Variants in IQSEC3 observed in about 807,000 individuals in gnomAD.
IQSEC3 encodes IQ motif and Sec7 domain ArfGEF 3.
IQSEC3 carries 50 observed loss-of-function variants against 105.4 expected under a neutral mutation model. That is an observed-to-expected ratio of 0.47 (90% confidence interval 0.38 to 0.60). IQSEC3 has a LOEUF of 0.60. IQSEC3 is among the 20% of genes least tolerant of loss of function. The pLI is 0.00. For synonymous variants in IQSEC3, 708 were observed against 746.0 expected (o/e 0.95, Z 0.83); for missense variants, 1,415 against 1,630.0 (o/e 0.87, Z 2.27).
chr12:174,898 C>T lies in IQSEC3; in HGVS notation c.3414C>T (p.Gly1138=). 1 of 1,561,748 alleles carries T rather than the reference C, an allele frequency of 6.4e-7. No individual in the cohort carries two copies. The highest frequency in any genetic ancestry group is 8.6e-7 in the Non-Finnish European group (1 of 1,162,020). The change falls in exon 14 of 14, where the codon GGC becomes GGT. Residue 1138 remains glycine (G), a synonymous_variant. Coordinates refer to ENST00000538872, the MANE Select transcript of IQSEC3 (RefSeq NM_001170738.2). ...SCGSTPLGGP[G]SPVKVTHQPP... is the part of the protein sequence containing the mutation. Reference sequence around the variant, plus strand: ...GCTCCACACCCCTGGGCGGTCCCGGCTCTCCGGTCAAGGTCACCCACCAGC... The same window carrying T: ...GCTCCACACCCCTGGGCGGTCCCGGTTCTCCGGTCAAGGTCACCCACCAGC...
chr12:71,829 C>T (rs1420149233), intron 1 of IQSEC3, among the ~76,000 whole-genome samples: 1 of 152,262 alleles, frequency 6.6e-6, no homozygotes, highest in East Asian at 1.9e-4. Flanking sequence ...CTTGTTCTTC[C>T]CCTATCCCCA....
intron 3 of IQSEC3, among the ~76,000 whole-genome samples, chr12:134,591 C>T (rs1199848416): frequency 2.0e-5 from 3 of 152,214 alleles, no homozygotes; most frequent in South Asian, 2.1e-4. Context: ...ATAGGCCAGA[C>T]GGGAAAGAAA....
Position 171,128 on chromosome 12 carries a change from G to A in IQSEC3, c.3081G>A (p.Ala1027=), listed in dbSNP as rs781969817. ...CATTCAAAGCCAAAAGGGAAGCCGC[G>A]CTCAGGGAGAGGCCGGCGGAGAGCA... ...QGSPTAKREA[A]LRERPAESTV... The change falls in exon 13 of 14, where the codon GCG becomes GCA. Residue 1027 remains alanine, a synonymous_variant. Coordinates refer to ENST00000538872, the MANE Select transcript of IQSEC3 (RefSeq NM_001170738.2). The A allele has an allele frequency of 6.8e-5, 109 of 1,613,948 alleles. No individual in the cohort carries two copies. In the East Asian group the frequency reaches 1.8e-3, roughly 27 times the overall value.
At chr12:70,265 A>G (rs549091394) in intron 1 of IQSEC3, among the ~76,000 whole-genome samples, 2 of 152,390 alleles carry the variant, frequency 1.3e-5, no homozygotes, top group African/African-American at 4.8e-5. Flanking sequence ...GAAGCCCTAG[A>G]TAACTGGGAC....
chr12:90,861 T>C (rs952791887), intron 1 of IQSEC3, among the ~76,000 whole-genome samples: 15 of 152,158 alleles, frequency 9.9e-5, no homozygotes, highest in African/African-American at 3.6e-4. Context: ...TTTCTTCCTA[T>C]TTATTAAGTT....
chr12:138,915 G>A lies in IQSEC3; in HGVS notation c.1552G>A (p.Ala518Thr), dbSNP rs1555087824. The A allele has an allele frequency of 6.2e-7, 1 of 1,604,250 alleles. No individual in the cohort carries two copies. The highest frequency in any genetic ancestry group is 8.5e-7 in the Non-Finnish European group (1 of 1,176,176). ...CTGCCTGGGCGCTCAGACGGTCCAG[G>A]CCCCCGCAGAGCCCGCGGCGGGCAA... ...ANCLGAQTVQ[A>T]PAEPAAGKAE... The change falls in exon 4 of 14, where the codon GCC (alanine) becomes ACC (threonine). Residue 518 changes from alanine (A) to threonine (T), a missense_variant. Physicochemically the swap from Ala to Thr is moderately conservative, Grantham distance 58. Around this residue, in one of 6 missense-constraint regions of IQSEC3, gnomAD observed 720 missense variants for 633.0 expected, o/e 1.14. Transcript: ENST00000538872. The surrounding 1 kb of genome is among the most constrained non-coding windows in gnomAD (Gnocchi z 7.1).
intron 11 of IQSEC3, chr12:166,163 A>G: frequency 2.3e-6 from 1 of 436,524 alleles, no homozygotes; most frequent in Non-Finnish European, 4.0e-6. Context: ...TGGAACAGAG[A>G]GCTCTGCTGT....
At position 178,307 on chromosome 12, in the gene IQSEC3, G is replaced by A. The variant is rs12827; in HGVS notation, c.*3274G>A. 0.29 allele frequency: 26,087 copies of A among 89,584 alleles called. 4,502 individuals carry two copies. Among genetic ancestry groups the A allele is most frequent in the African/African-American group, 0.53 (18,611 of 34,986 alleles). The allele number at this position is 89,584 out of a possible 1,614,324, so 5.5% of individuals were successfully genotyped here. On this transcript the variant is annotated 3_prime_UTR_variant, in exon 14 of 14. Coordinates refer to ENST00000538872, the MANE Select transcript of IQSEC3 (RefSeq NM_001170738.2). ...CTCTCCCCGCACACCCGTCACCCAT[G>A]AGAGAGAGAAACCTCTCTAGGGAAA...
At chr12:146,766 TGCAG>T (rs1866294199) in intron 5 of IQSEC3, among the ~76,000 whole-genome samples, 1 of 151,988 alleles carries the variant, frequency 6.6e-6, no homozygotes, top group Non-Finnish European at 1.5e-5. Flanking sequence ...AGAGACCCAG[TGCAG>T]GCAGGCAGGA....
At chr12:74,504 G>A (rs1229121452) in intron 1 of IQSEC3, among the ~76,000 whole-genome samples, 1 of 152,278 alleles carries the variant, frequency 6.6e-6, no homozygotes, top group African/African-American at 2.4e-5. Context: ...TTTTGCTGTT[G>A]CTCTTTGGTT....
Position 169,121 on chromosome 12 carries a change from G to A in IQSEC3, c.3064+16G>A, listed in dbSNP as rs367776283. On this transcript the variant is annotated intron_variant, in intron 12 of 13. Coordinates refer to ENST00000538872, the MANE Select transcript of IQSEC3 (RefSeq NM_001170738.2). ...TCGCCGACAGGTGAGCCTCGGCTCC[G>A]CTCAGGGCACCAGTCCCCATGGAGG... is the stretch of plus-strand genomic sequence containing the variant. The A allele has an allele frequency of 1.4e-5, 22 of 1,611,034 alleles. No individual in the cohort carries two copies. Among genetic ancestry groups the A allele is most frequent in the African/African-American group, 5.3e-5 (4 of 74,890 alleles).
intron 3 of IQSEC3, among the ~76,000 whole-genome samples, chr12:134,325 A>G (rs1865688670): frequency 2.0e-5 from 3 of 152,218 alleles, no homozygotes; most frequent in Non-Finnish European, 4.4e-5. Flanking sequence ...GATGGGACAG[A>G]TGCAAGAATT....
chr12:161,360 T>G (rs1555096152), intron 7 of IQSEC3, among the ~76,000 whole-genome samples: 1 of 152,088 alleles, frequency 6.6e-6, no homozygotes, highest in African/African-American at 2.4e-5. Context: ...AAGCAGGAGG[T>G]GGGACAGGGG....
chr12:106,284 A>G (rs1285872414), intron 2 of IQSEC3, among the ~76,000 whole-genome samples: 2 of 152,242 alleles, frequency 1.3e-5, no homozygotes, highest in African/African-American at 4.8e-5. Flanking sequence ...CCACCAGGGC[A>G]GGAGGATAGC....
At chr12:113,069 C>T (rs2136947453) in intron 2 of IQSEC3, among the ~76,000 whole-genome samples, 1 of 152,184 alleles carries the variant, frequency 6.6e-6, no homozygotes, top group Non-Finnish European at 1.5e-5. Flanking sequence ...GGGAAGTGCC[C>T]CCGGAATGCC....
chr12:169,209 G>T (rs1461589028), intron 12 of IQSEC3, 104 bp downstream of exon 12: 1 of 917,832 alleles, frequency 1.1e-6, no homozygotes, highest in Non-Finnish European at 1.7e-6. Context: ...CATTCCCGTG[G>T]CGTGTTTCTT....
At chr12:70,676 G>C (rs1161446418) in intron 1 of IQSEC3, among the ~76,000 whole-genome samples, 9 of 152,282 alleles carry the variant, frequency 5.9e-5, no homozygotes, top group African/African-American at 2.2e-4. Context: ...CTTATCTGAA[G>C]TGGCTGGCTT....
chr12:135,796 G>T (rs952512571), intron 3 of IQSEC3, among the ~76,000 whole-genome samples: 2 of 152,190 alleles, frequency 1.3e-5, no homozygotes, highest in Non-Finnish European at 2.9e-5. Flanking sequence ...TAAGTCCTGT[G>T]ATTACAAGGA....
At chr12:161,636 C>G (rs1285209395) in intron 7 of IQSEC3, among the ~76,000 whole-genome samples, 2 of 152,176 alleles carry the variant, frequency 1.3e-5, no homozygotes, top group African/African-American at 4.8e-5. Flanking sequence ...GAGGCTGTAT[C>G]TGCCATCAGG....
Sources: allele counts gnomAD v4.1 joint callset (sites outside exome capture counted in the v4.1 genomes callset), GRCh38; gene constraint gnomAD v4.1.1; regional missense constraint gnomAD v4.1.1; non-coding constraint Gnocchi (gnomAD v3.1); transcripts MANE v1.5; gene names NCBI Gene and HGNC (gene_info 2026-07-23, HGNC 2026-07-21).